Variants in PCDH15 observed in about 807,000 individuals in gnomAD.
PCDH15 encodes the protein protocadherin-15.
In PCDH15, 129 loss-of-function variants were observed where a neutral mutation model predicts 178.5. That is an observed-to-expected ratio of 0.72 (90% CI 0.63 to 0.84). The LOEUF is 0.84. Among genes scored for constraint, PCDH15 ranks in the 40% least tolerant of loss-of-function variants. The pLI is 0.00. For missense variants in PCDH15, 2,230 were observed against 2,099.9 expected (o/e 1.06, Z -1.21); for synonymous variants, 800 against 732.0 (o/e 1.09, Z -1.50).
chr10:55,051,416 ATTAG>A (rs982299795), intron 2 of PCDH15, among the ~76,000 whole-genome samples: 8 of 152,192 alleles, frequency 5.3e-5, no homozygotes, highest in African/African-American at 1.9e-4. Context: ...CTTCATTTCT[ATTAG>A]TTTGTTTTAA....
chr10:54,912,890 C>T (rs1423981118), intron 2 of PCDH15, among the ~76,000 whole-genome samples: 1 of 152,118 alleles, frequency 6.6e-6, no homozygotes, highest in Admixed American at 6.6e-5. Context: ...TTACTGGGAA[C>T]TGGAGTAAAA....
chr10:54,647,660 A>G (rs2094159597), intron 2 of PCDH15, among the ~76,000 whole-genome samples: 1 of 152,096 alleles, frequency 6.6e-6, no homozygotes, highest in South Asian at 2.1e-4. Flanking sequence ...TCCACATCTG[A>G]AAAACAGGAA....
chr10:55,269,310 A>AT (rs397945875), intron 1 of PCDH15, among the ~76,000 whole-genome samples: 3 of 151,976 alleles, frequency 2.0e-5, no homozygotes, highest in Non-Finnish European at 4.4e-5. Flanking sequence ...AGAAAAAAAA[A>AT]GGCATTCAAA....
chr10:55,373,806 C>T (rs528563632), intron 2 of PCDH15, among the ~76,000 whole-genome samples: 3 of 151,828 alleles, frequency 2.0e-5, no homozygotes, highest in Non-Finnish European at 4.4e-5. Flanking sequence ...TCAGGTCTTA[C>T]GTTTAAGTCT....
chr10:53,890,223 C>A (rs750675598), intron 26 of PCDH15, among the ~76,000 whole-genome samples: 4 of 152,258 alleles, frequency 2.6e-5, no homozygotes, highest in African/African-American at 9.6e-5. Flanking sequence ...GTCAGGAGAT[C>A]GAGACCATCC....
At chr10:54,251,828 TTTC>T (rs2056499945) in intron 8 of PCDH15, among the ~76,000 whole-genome samples, 1 of 151,930 alleles carries the variant, frequency 6.6e-6, no homozygotes, top group African/African-American at 2.4e-5. Flanking sequence ...TTATTTCATT[TTTC>T]TTCTGTATCA....
At chr10:55,260,940 T>C (rs1592029842) in intron 1 of PCDH15, among the ~76,000 whole-genome samples, 1 of 152,222 alleles carries the variant, frequency 6.6e-6, no homozygotes, top group East Asian at 1.9e-4. Context: ...TCTTGTATAA[T>C]GAACAGATTC....
intron 9 of PCDH15, among the ~76,000 whole-genome samples, chr10:54,215,757 G>T (rs1280864427): frequency 6.6e-6 from 1 of 152,040 alleles, no homozygotes; most frequent in Admixed American, 6.6e-5. Context: ...TTTATGTCGA[G>T]ACGGCCGGGC....
chr10:54,353,015 G>C (rs1944412633), intron 5 of PCDH15, among the ~76,000 whole-genome samples: 1 of 152,104 alleles, frequency 6.6e-6, no homozygotes, highest in Non-Finnish European at 1.5e-5. Context: ...ATCCAGAGTT[G>C]ATTTTGTAAA....
At chr10:55,599,355 G>A (rs1400059036) in intron 2 of PCDH15, 1 of 152,184 alleles carries the variant, frequency 6.6e-6, no homozygotes, top group Non-Finnish European at 1.5e-5. Context: ...TAATCCTCCT[G>A]TAAGTTTAAC....
intron 1 of PCDH15, among the ~76,000 whole-genome samples, chr10:54,774,542 T>TA (rs1471449674): frequency 2.0e-5 from 3 of 152,096 alleles, no homozygotes; most frequent in Non-Finnish European, 2.9e-5. Flanking sequence ...TACAATCACA[T>TA]ACACATCCAA....
At chr10:54,215,062 G>GA (rs2051862624) in intron 9 of PCDH15, among the ~76,000 whole-genome samples, 2 of 152,074 alleles carry the variant, frequency 1.3e-5, no homozygotes, top group Admixed American at 6.6e-5. Flanking sequence ...AACCATAAGA[G>GA]AAAAATAATA....
chr10:54,709,159 C>T (rs2095400540), intron 1 of PCDH15, among the ~76,000 whole-genome samples: 1 of 152,076 alleles, frequency 6.6e-6, no homozygotes, highest in Admixed American at 6.6e-5. Flanking sequence ...ATGGAACTTA[C>T]ACCTCCCTCT....
intron 2 of PCDH15, among the ~76,000 whole-genome samples, chr10:55,119,247 T>G (rs1837704150): frequency 6.6e-6 from 1 of 152,142 alleles, no homozygotes; most frequent in African/African-American, 2.4e-5. Flanking sequence ...CATGTGAGAT[T>G]GCATAGGTCA....
upstream of PCDH15, among the ~76,000 whole-genome samples, chr10:54,805,026 C>A (rs527940010): frequency 2.7e-4 from 39 of 143,230 alleles, 1 homozygote; most frequent in South Asian, 8.5e-3. Flanking sequence ...TTGACTTACT[C>A]TGGCAAATGT....
chr10:53,984,936 C>T (rs1048608767), intron 21 of PCDH15, among the ~76,000 whole-genome samples: 2 of 152,112 alleles, frequency 1.3e-5, no homozygotes, highest in African/African-American at 2.4e-5. Flanking sequence ...AACTGTGACA[C>T]GGGAGCAGTC....
chr10:53,991,322 G>C (rs1029910467), intron 21 of PCDH15, among the ~76,000 whole-genome samples: 1 of 152,198 alleles, frequency 6.6e-6, no homozygotes, highest in Non-Finnish European at 1.5e-5. Flanking sequence ...CTGGAGGATT[G>C]TACATGCACC....
chr10:54,991,716 G>A (rs1408160433), intron 2 of PCDH15, among the ~76,000 whole-genome samples: 1 of 152,142 alleles, frequency 6.6e-6, no homozygotes, highest in Non-Finnish European at 1.5e-5. Context: ...GCAAAAGTTA[G>A]ATCAGCTAGG....
At chr10:54,772,623 T>C (rs1301522570) in intron 1 of PCDH15, among the ~76,000 whole-genome samples, 1 of 152,050 alleles carries the variant, frequency 6.6e-6, no homozygotes, top group African/African-American at 2.4e-5. Flanking sequence ...CAACAGATGC[T>C]GGTGAGGTTG....
Sources: gnomAD v4.1 joint callset for allele counts (sites outside exome capture counted in the v4.1 genomes callset) on GRCh38, gnomAD v4.1.1 for gene constraint, MANE v1.5 for transcripts, NCBI Gene and HGNC (gene_info 2026-07-23, HGNC 2026-07-21) for gene names.